The following TC2N variants were observed in gnomAD, a reference collection of about 807,000 sequenced individuals.
TC2N encodes the protein tandem C2 domains, nuclear.
TC2N carries 51 observed loss-of-function variants against 61.9 expected under a neutral mutation model. The observed-to-expected ratio is 0.82, with a 90% CI of 0.66 to 1.04. The LOEUF is 1.04. Among genes scored for constraint, TC2N ranks in the 50% least tolerant of loss-of-function variants. The pLI, the probability that TC2N is intolerant of heterozygous loss-of-function variation, is 0.00. For missense variants in TC2N, 556 were observed against 566.7 expected (o/e 0.98, Z 0.19); for synonymous variants, 204 against 192.6 (o/e 1.06, Z -0.49).
At chr14:91,862,771 C>G (rs1443108002) in intron 1 of TC2N, among the ~76,000 whole-genome samples, 1 of 152,218 alleles carries the variant, frequency 6.6e-6, no homozygotes, top group Non-Finnish European at 1.5e-5. Context: ...GAACTCTTCA[C>G]CACCTACTGA....
intron 1 of TC2N, among the ~76,000 whole-genome samples, chr14:91,860,408 C>A (rs534584534): frequency 6.6e-6 from 1 of 151,952 alleles, no homozygotes; most frequent in East Asian, 1.9e-4. Context: ...CTTCTCAGAG[C>A]CTTCAGTTTT....
chr14:91,834,818 C>T (rs1341353499), intron 1 of TC2N, among the ~76,000 whole-genome samples: 2 of 152,166 alleles, frequency 1.3e-5, no homozygotes, highest in Non-Finnish European at 2.9e-5. Flanking sequence ...GCTGTCTCTA[C>T]CCATCGCTTA....
intron 9 of TC2N, among the ~76,000 whole-genome samples, chr14:91,790,220 A>T (rs1406830884): frequency 1.3e-5 from 2 of 152,128 alleles, no homozygotes; most frequent in African/African-American, 4.8e-5. Flanking sequence ...TCAATACCGA[A>T]ATTTGAGATG....
At chr14:91,860,962 C>T (rs1888577800) in intron 1 of TC2N, among the ~76,000 whole-genome samples, 1 of 152,182 alleles carries the variant, frequency 6.6e-6, no homozygotes, top group South Asian at 2.1e-4. Flanking sequence ...CTGGAGACTG[C>T]ACTGTCCTGT....
At chr14:91,864,225 C>T (rs745751832) in intron 1 of TC2N, among the ~76,000 whole-genome samples, 8 of 152,180 alleles carry the variant, frequency 5.3e-5, no homozygotes, top group Non-Finnish European at 1.0e-4. Context: ...CTACTATTAC[C>T]TTCTTGTTTA....
intron 1 of TC2N, among the ~76,000 whole-genome samples, chr14:91,816,384 G>T (rs192524119): frequency 2.6e-3 from 394 of 151,854 alleles, no homozygotes; most frequent in African/African-American, 8.1e-3. Flanking sequence ...AAGTGATGTT[G>T]AGCTTCTTGT....
intron 1 of TC2N, among the ~76,000 whole-genome samples, chr14:91,831,392 T>C (rs1887764088): frequency 6.6e-6 from 1 of 152,214 alleles, no homozygotes; most frequent in African/African-American, 2.4e-5. Context: ...ATTTTATTAC[T>C]TTTTAAAAAG....
intron 3 of TC2N, among the ~76,000 whole-genome samples, chr14:91,810,369 G>A (rs1886710094): frequency 6.6e-6 from 1 of 152,076 alleles, no homozygotes; most frequent in Non-Finnish European, 1.5e-5. Context: ...AAGGGAAGGA[G>A]GAAGGGAGGG....
intron 9 of TC2N, among the ~76,000 whole-genome samples, chr14:91,788,734 T>C (rs563284114): frequency 3.3e-5 from 5 of 152,268 alleles, no homozygotes; most frequent in Middle Eastern, 3.4e-3. Context: ...TTCAAACCAG[T>C]CATGCCATAA....
At chr14:91,826,599 A>C (rs1050625678) in intron 1 of TC2N, among the ~76,000 whole-genome samples, 13 of 152,050 alleles carry the variant, frequency 8.5e-5, no homozygotes, top group African/African-American at 3.1e-4. Context: ...CTTTCAGTTA[A>C]TATTTGCATG....
At chr14:91,820,546 A>G (rs1244060788) in intron 1 of TC2N, among the ~76,000 whole-genome samples, 2 of 145,556 alleles carry the variant, frequency 1.4e-5, no homozygotes, top group Admixed American at 1.4e-4. Flanking sequence ...TAAAGCCAGG[A>G]AAAAAAAAAA....
intron 8 of TC2N, among the ~76,000 whole-genome samples, chr14:91,793,632 GTAAT>G (rs1307363157): frequency 6.6e-5 from 10 of 151,982 alleles, no homozygotes; most frequent in African/African-American, 2.2e-4. Context: ...TATTACTATT[GTAAT>G]TGTTTTGGAG....
At chr14:91,836,621 G>GAGGCAAGGCGGGGAGGGGCA (rs1566786062) in intron 1 of TC2N, 1 of 151,972 alleles carries the variant, frequency 6.6e-6, no homozygotes, top group South Asian at 2.1e-4. Flanking sequence ...GGGGAGGGGC[G>GAGGCAAGGCGGGGAGGGGCA]AGGCAGGGCG....
chr14:91,798,132 T>A (rs1886004294), intron 7 of TC2N, among the ~76,000 whole-genome samples, 167 bp downstream of exon 7: 2 of 152,004 alleles, frequency 1.3e-5, no homozygotes, highest in South Asian at 4.1e-4. Flanking sequence ...ACTACAGATT[T>A]TTTTCTTAGA....
At chr14:91,789,564 T>C (rs893044670) in intron 9 of TC2N, among the ~76,000 whole-genome samples, 4 of 151,420 alleles carry the variant, frequency 2.6e-5, no homozygotes, top group African/African-American at 7.3e-5. Context: ...TGAGCCGAGA[T>C]TGCACCACTG....
intron 10 of TC2N, among the ~76,000 whole-genome samples, chr14:91,786,372 C>T (rs1409042770): frequency 6.6e-6 from 1 of 152,136 alleles, no homozygotes; most frequent in African/African-American, 2.4e-5. Context: ...GTTTTAGTAT[C>T]AAGAATATGC....
intron 1 of TC2N, among the ~76,000 whole-genome samples, chr14:91,858,062 C>G (rs1454150404): frequency 2.0e-5 from 3 of 151,654 alleles, no homozygotes; most frequent in Non-Finnish European, 4.4e-5. Context: ...ACTTCCTGGG[C>G]TTAAGTGATC....
intron 3 of TC2N, among the ~76,000 whole-genome samples, chr14:91,803,420 C>CAA (rs1309003871): frequency 1.4e-5 from 1 of 69,350 alleles, no homozygotes; most frequent in African/African-American, 5.2e-5. Flanking sequence ...CATACACACA[C>CAA]ACACACACAT....
At chr14:91,797,136 A>G (rs927164667) in intron 8 of TC2N, among the ~76,000 whole-genome samples, 29 of 152,058 alleles carry the variant, frequency 1.9e-4, no homozygotes, top group African/African-American at 6.8e-4. Flanking sequence ...CTAAGAAGAA[A>G]GCAAAGAAAG....
Sources: allele counts gnomAD v4.1 joint callset (sites outside exome capture counted in the v4.1 genomes callset), GRCh38; gene constraint gnomAD v4.1.1; transcripts MANE v1.5; gene names NCBI Gene and HGNC (gene_info 2026-07-23, HGNC 2026-07-21).